Variants in NRXN1 observed in about 807,000 individuals in gnomAD.
NRXN1 encodes neurexin-1.
Under a neutral mutation model 150.9 loss-of-function variants are expected in NRXN1, and 39 were observed. The observed-to-expected ratio is 0.26, with a 90% CI of 0.20 to 0.34. NRXN1 has a LOEUF of 0.34. Ranked by LOEUF, NRXN1 falls within the 10% of genes least tolerant of loss-of-function variation. The pLI, the probability that NRXN1 is intolerant of heterozygous loss-of-function variation, is 1.00. For synonymous variants in NRXN1, 924 were observed against 757.0 expected (o/e 1.22, Z -3.62); for missense variants, 1,815 against 1,949.9 (o/e 0.93, Z 1.30).
chr2:50,914,956 TCCTC>T (rs1193250816), intron 5 of NRXN1, among the ~76,000 whole-genome samples: 1 of 151,506 alleles, frequency 6.6e-6, no homozygotes, highest in African/African-American at 2.4e-5. Flanking sequence ...CCAGATTCCT[TCCTC>T]TGGTGAAAGG....
chr2:50,654,968 G>C (rs374340679), intron 5 of NRXN1, among the ~76,000 whole-genome samples: 5 of 151,922 alleles, frequency 3.3e-5, no homozygotes, highest in East Asian at 1.9e-4. Flanking sequence ...GGAAAGAGGA[G>C]AACAAAGCAA....
At chr2:50,880,096 T>C (rs1272403341) in intron 5 of NRXN1, among the ~76,000 whole-genome samples, 1 of 151,968 alleles carries the variant, frequency 6.6e-6, no homozygotes, top group Non-Finnish European at 1.5e-5. Context: ...CAGTCAGATA[T>C]GGGAACTGCA....
At chr2:50,345,730 C>T (rs988251125) in intron 17 of NRXN1, among the ~76,000 whole-genome samples, 7 of 152,182 alleles carry the variant, frequency 4.6e-5, no homozygotes, top group African/African-American at 9.7e-5. Flanking sequence ...TTTCTCTACA[C>T]TCTGCTGTTT....
chr2:50,359,360 A>C (rs2079031597), intron 17 of NRXN1, among the ~76,000 whole-genome samples: 1 of 149,192 alleles, frequency 6.7e-6, no homozygotes, highest in Non-Finnish European at 1.5e-5. Context: ...AAGAACCTTG[A>C]AAAAAAGGTA....
intron 18 of NRXN1, among the ~76,000 whole-genome samples, chr2:50,115,674 C>G (rs1179346835): frequency 6.6e-6 from 1 of 151,900 alleles, no homozygotes; most frequent in Admixed American, 6.6e-5. Flanking sequence ...TTCAGTTGGA[C>G]AAAAGCAACA....
chr2:50,630,493 ACTT>A (rs141130181), intron 5 of NRXN1, among the ~76,000 whole-genome samples: 1 of 151,816 alleles, frequency 6.6e-6, no homozygotes, highest in East Asian at 1.9e-4. Context: ...ACTTCACTGA[ACTT>A]CTTCACCAAA....
At chr2:50,255,410 C>T (rs1245752669) in intron 17 of NRXN1, among the ~76,000 whole-genome samples, 1 of 152,096 alleles carries the variant, frequency 6.6e-6, no homozygotes, top group South Asian at 2.1e-4. Flanking sequence ...CACAAGAGCA[C>T]GGATTAAAGT....
At chr2:50,961,981 G>C (rs1054091401) in intron 2 of NRXN1, among the ~76,000 whole-genome samples, 2 of 150,392 alleles carry the variant, frequency 1.3e-5, no homozygotes, top group African/African-American at 4.9e-5. Flanking sequence ...AAAAGAAGAA[G>C]AAAAATTTAA....
chr2:50,983,341 A>G (rs936984369), intron 2 of NRXN1, among the ~76,000 whole-genome samples: 3 of 152,114 alleles, frequency 2.0e-5, no homozygotes, highest in Non-Finnish European at 4.4e-5. Context: ...TTCTAAGGCC[A>G]CTGCGAGATG....
intron 17 of NRXN1, among the ~76,000 whole-genome samples, chr2:50,384,518 A>AAT (rs1553526730): frequency 9.0e-6 from 1 of 111,474 alleles, no homozygotes. Context: ...AAAAAAAAAA[A>AAT]AAAAAAAAAA....
At chr2:50,370,006 G>C (rs779895239) in intron 17 of NRXN1, among the ~76,000 whole-genome samples, 1 of 151,992 alleles carries the variant, frequency 6.6e-6, no homozygotes, top group African/African-American at 2.4e-5. Context: ...CTTCATAAAA[G>C]AAATTTACTC....
At chr2:50,426,514 T>C (rs1302081220) in intron 17 of NRXN1, among the ~76,000 whole-genome samples, 3 of 152,228 alleles carry the variant, frequency 2.0e-5, no homozygotes, top group Admixed American at 2.0e-4. Context: ...TATTTTGTTT[T>C]CTACATTCAC....
chr2:50,145,342 G>C (rs1707848545), intron 18 of NRXN1, among the ~76,000 whole-genome samples: 1 of 151,194 alleles, frequency 6.6e-6, no homozygotes. Flanking sequence ...TGAACCATTT[G>C]ATGGTGAATT....
intron 8 of NRXN1, among the ~76,000 whole-genome samples, chr2:50,561,890 G>A (rs1229133623): frequency 1.3e-5 from 2 of 152,128 alleles, no homozygotes; most frequent in African/African-American, 2.4e-5. Flanking sequence ...GATACTTTCC[G>A]CATCAGTCTT....
intron 2 of NRXN1, among the ~76,000 whole-genome samples, chr2:51,027,254 A>G (rs1370341200): frequency 6.6e-6 from 1 of 152,208 alleles, no homozygotes; most frequent in East Asian, 1.9e-4. Flanking sequence ...GGAAGGGAGT[A>G]GTGTTGGTAG....
chr2:50,049,503 C>G (rs77729979), intron 21 of NRXN1, among the ~76,000 whole-genome samples: 2,130 of 152,256 alleles, frequency 0.014, 53 homozygotes, highest in African/African-American at 0.049. Flanking sequence ...ATTCATCATG[C>G]TCTTTCCATT....
chr2:50,241,440 C>T (rs2065990133), intron 17 of NRXN1, among the ~76,000 whole-genome samples: 1 of 151,730 alleles, frequency 6.6e-6, no homozygotes, highest in African/African-American at 2.4e-5. Flanking sequence ...ATATGGCAAG[C>T]ACTACCACAT....
At position 50,567,537 on chromosome 2, in the gene NRXN1, C is replaced by G. The variant is rs779092275; in HGVS notation, c.1321-14512G>C. On this transcript the variant is annotated intron_variant, in intron 8 of 22. Transcript: ENST00000401669. ...TTTTTAAAACTTAATAAGAAAAAGT[C>G]CACAATGAACAAGGTATTCAAATTT... 2.1e-4 allele frequency among the ~76,000 whole-genome samples: 32 copies of G among 151,462 alleles called. 1 individual carries two copies. The highest frequency in any genetic ancestry group is 1.9e-3 in the Admixed American group (29 of 15,188).
At position 50,775,174 on chromosome 2, in the gene NRXN1, A is replaced by G. The variant is rs187101980; in HGVS notation, c.832+146695T>C. Among the ~76,000 whole-genome samples the G allele has an allele frequency of 1.6e-3, 245 of 152,206 alleles. 1 individual carries two copies. The highest frequency in any genetic ancestry group is 2.9e-3 in the Non-Finnish European group (196 of 67,980). On this transcript the variant is annotated intron_variant, in intron 5 of 22. Coordinates refer to ENST00000401669, the MANE Select transcript of NRXN1 (RefSeq NM_001330078.2). ...AGAATATCTCCTATCCTGCATTTCA[A>G]TCTCCATCCAGGCCTTCAAATAATA...
Sources: gnomAD v4.1 joint callset for allele counts (sites outside exome capture counted in the v4.1 genomes callset) on GRCh38, gnomAD v4.1.1 for gene constraint, MANE v1.5 for transcripts, NCBI Gene and HGNC (gene_info 2026-07-23, HGNC 2026-07-21) for gene names.